The following PLA2G15 variants were observed in gnomAD, a reference collection of about 807,000 sequenced individuals.
PLA2G15 encodes lysosomal phospholipase A and acyltransferase.
In PLA2G15, 20 loss-of-function variants were observed where a neutral mutation model predicts 40.9. That is an observed-to-expected ratio of 0.49 (90% CI 0.34 to 0.71). The LOEUF is 0.71. Ranked by LOEUF, PLA2G15 falls within the 30% of genes least tolerant of loss-of-function variation. PLA2G15 has a pLI of 0.01. For missense variants in PLA2G15, 471 were observed against 541.9 expected (o/e 0.87, Z 1.30); for synonymous variants, 223 against 228.2 (o/e 0.98, Z 0.21).
chr16:68,249,263 C>T, intron 1 of PLA2G15, 27 bp from the exon 2 acceptor site: 2 of 1,610,038 alleles, frequency 1.2e-6, no homozygotes, highest in Middle Eastern at 1.7e-4. Context: ...GGGCTGAGGG[C>T]TCACACATGT....
rs759423187 is a variant in PLA2G15, at chr16:68,249,449, G to A, written c.284+3G>A. 6.2e-7 allele frequency: 1 copy of A among 1,613,876 alleles called. No homozygotes were observed. The highest frequency in any genetic ancestry group is 8.5e-7 in the Non-Finnish European group (1 of 1,179,834). The stretch of plus-strand genomic sequence containing the variant: ...GACTGCTGGATTGACAATATCAGGT[G>A]GGGGCTGGGGCACACAGAGGGGGGT... On this transcript the variant is annotated splice_donor_region_variant and intron_variant, in intron 2 of 5. Coordinates refer to ENST00000219345, the MANE Select transcript of PLA2G15 (RefSeq NM_012320.4).
At chr16:68,253,009 T>C (rs2042367909) in intron 2 of PLA2G15, among the ~76,000 whole-genome samples, 1 of 152,100 alleles carries the variant, frequency 6.6e-6, no homozygotes, top group Admixed American at 6.6e-5. Context: ...AAAGGGCTGT[T>C]AGGGATCTTA....
Position 68,260,379 on chromosome 16 carries a change from G to C in PLA2G15, c.*722G>C, listed in dbSNP as rs1235238709. ...CAGTCCCGCAGGCTGTGTTCCAGGGGCCCTGATTTCCTCGGATGTGCTATT... is the reference window on the plus strand; with the variant it reads ...CAGTCCCGCAGGCTGTGTTCCAGGGCCCCTGATTTCCTCGGATGTGCTATT... On this transcript the variant is annotated 3_prime_UTR_variant, in exon 6 of 6. Coordinates refer to ENST00000219345, the MANE Select transcript of PLA2G15 (RefSeq NM_012320.4). 1 of 152,848 alleles carries C rather than the reference G, an allele frequency of 6.5e-6. No individual in the cohort carries two copies. Among genetic ancestry groups the C allele is most frequent in the Non-Finnish European group, 1.5e-5 (1 of 68,204 alleles). The allele number at this position is 152,848 out of a possible 1,614,324, so 9.5% of individuals were successfully genotyped here. A position where few individuals can be genotyped will look rare whatever the true frequency, so the allele number is the denominator to read the frequency against.
At chr16:68,251,479 A>G (rs1481941640) in intron 2 of PLA2G15, among the ~76,000 whole-genome samples, 1 of 152,016 alleles carries the variant, frequency 6.6e-6, no homozygotes. Flanking sequence ...CAGGAGTTCG[A>G]GACTAGCCCG....
At chr16:68,252,504 A>T (rs2042364225) in intron 2 of PLA2G15, 4 of 455,532 alleles carry the variant, frequency 8.8e-6, no homozygotes, top group South Asian at 4.7e-5. Flanking sequence ...TCATTTCTTC[A>T]GGCCTTGACA....
intron 1 of PLA2G15, among the ~76,000 whole-genome samples, chr16:68,246,314 A>G (rs2042308380): frequency 6.6e-6 from 1 of 152,134 alleles, no homozygotes; most frequent in South Asian, 2.1e-4. Flanking sequence ...ATGGGCAGGG[A>G]TGAGACCTCT....
chr16:68,255,488 C>A lies in PLA2G15; in HGVS notation c.502+108C>A. 1 of 746,984 alleles carries A rather than the reference C, an allele frequency of 1.3e-6. No individual in the cohort carries two copies. Among genetic ancestry groups the A allele is most frequent in the Non-Finnish European group, 2.2e-6 (1 of 457,010 alleles). The allele number at this position is 746,984 out of a possible 1,614,324, so 46.3% of individuals were successfully genotyped here. A position where few individuals can be genotyped will look rare whatever the true frequency, so the allele number is the denominator to read the frequency against. ...CCCCTTGTCCTTGGCTGTCTCCTGT[C>A]CCTGGGCCTCTGGCATCCAGTCTAG... On this transcript the variant is annotated intron_variant, in intron 4 of 5. Transcript: ENST00000219345. The surrounding 1 kb of genome is among the most constrained non-coding windows in gnomAD (Gnocchi z 5.9).
intron 2 of PLA2G15, chr16:68,254,430 T>G (rs1334566192): frequency 6.5e-6 from 1 of 153,552 alleles, no homozygotes; most frequent in Non-Finnish European, 1.4e-5. Context: ...AACCTCCGTG[T>G]CACAGGTTCA....
chr16:68,253,339 C>A, intron 2 of PLA2G15: 1 of 399,732 alleles, frequency 2.5e-6, no homozygotes, highest in Non-Finnish European at 5.0e-6. Flanking sequence ...CATACAGCAG[C>A]CCTGAGGCAT....
chr16:68,255,249 A>G lies in PLA2G15; in HGVS notation c.404-33A>G, dbSNP rs1175990121. On this transcript the variant is annotated intron_variant, in intron 3 of 5. Transcript: ENST00000219345. This position sits in a 1 kb window ranked among gnomAD's most constrained non-coding sequence, Gnocchi z 5.9. ...AGTGTAGGTGGCCGGCACTAGCTGT[A>G]TCTTTTCTTATCCTCTGTATTTCTG... The G allele has an allele frequency of 6.6e-7, 1 of 1,510,074 alleles. No individual in the cohort carries two copies. The highest frequency in any genetic ancestry group is 1.1e-5 in the South Asian group (1 of 88,824). The allele number at this position is 1,510,074 out of a possible 1,614,324, so 93.5% of individuals were successfully genotyped here.
intron 5 of PLA2G15, 133 bp downstream of exon 5, chr16:68,256,123 C>A: frequency 1.7e-6 from 1 of 593,662 alleles, no homozygotes; most frequent in East Asian, 2.9e-5. Context: ...CAAATCTACC[C>A]CTAAAAGTCC....
In PLA2G15 at chr16:68,255,074, A is replaced by G. The variant is rs1555528368; in HGVS notation, c.403+37A>G. 7.2e-7 allele frequency: 1 copy of G among 1,391,876 alleles called. No individual in the cohort carries two copies. 86.2% of individuals were successfully genotyped at this position (1,391,876 alleles called of 1,614,324 possible). ...TTACTCAAGGCCTCCGGGAGCTGGG[A>G]TGGGGTTTCTGCCGGACTGGAGCTG... On this transcript the variant is annotated intron_variant, in intron 3 of 5. Transcript: ENST00000219345. The surrounding 1 kb of genome is among the most constrained non-coding windows in gnomAD (Gnocchi z 5.9).
At chr16:68,253,690 TG>T (rs1412637011) in intron 2 of PLA2G15, among the ~76,000 whole-genome samples, 4 of 133,222 alleles carry the variant, frequency 3.0e-5, no homozygotes, top group Non-Finnish European at 6.4e-5. Context: ...TGTTTTGTTT[TG>T]TTTTTTTTTT....
Position 68,259,643 on chromosome 16 carries a change from C to A in PLA2G15, c.1225C>A (p.Leu409Ile). The A allele has an allele frequency of 6.2e-7, 1 of 1,611,650 alleles. No homozygotes were observed. The highest frequency in any genetic ancestry group is 8.5e-7 in the Non-Finnish European group (1 of 1,178,954). ...ATTLAYLKRVLLGP is the reference protein window; with the variant it reads ...ATTLAYLKRVILGP ...CACCCTGGCCTATCTGAAACGTGTG[C>A]TCCTTGGGCCCTGACTCCTGTGCCA... is the stretch of plus-strand genomic sequence containing the variant. The change falls in exon 6 of 6, where the codon CTC becomes ATC. Residue 409 changes from leucine (L) to isoleucine (I), a missense_variant. Coordinates refer to ENST00000219345, the MANE Select transcript of PLA2G15 (RefSeq NM_012320.4). The surrounding 1 kb of genome is among the most constrained non-coding windows in gnomAD (Gnocchi z 6.5).
chr16:68,253,164 A>G (rs1045208535), intron 2 of PLA2G15, among the ~76,000 whole-genome samples: 4 of 152,094 alleles, frequency 2.6e-5, no homozygotes, highest in Non-Finnish European at 5.9e-5. Context: ...CCCTTCCTCC[A>G]TGGAGGATGT....
Position 68,259,695 on chromosome 16 carries a change from C to T in PLA2G15, c.*38C>T. ...AGGACTCCTGTGGCTCGGCCGTGGA[C>T]CTGCTGTTGGCCTCTGGGGCTGTCA... On this transcript the variant is annotated 3_prime_UTR_variant, in exon 6 of 6. Coordinates refer to ENST00000219345, the MANE Select transcript of PLA2G15 (RefSeq NM_012320.4). The surrounding 1 kb of genome is among the most constrained non-coding windows in gnomAD (Gnocchi z 6.5). 2 of 1,587,260 alleles carry T rather than the reference C, an allele frequency of 1.3e-6. No individual in the cohort carries two copies. The highest frequency in any genetic ancestry group is 1.7e-6 in the Non-Finnish European group (2 of 1,165,884).
chr16:68,259,467 G>A lies in PLA2G15; in HGVS notation c.1049G>A (p.Arg350His), dbSNP rs551320809. 46 of 1,613,528 alleles carry A rather than the reference G, an allele frequency of 2.9e-5. No homozygotes were observed. Among genetic ancestry groups the A allele is most frequent in the Admixed American group, 5.0e-5 (3 of 60,032 alleles). Residue 350 changes from arginine (R) to histidine (H), a missense_variant, in exon 6 of 6, where the codon CGT becomes CAT. Transcript: ENST00000219345. The surrounding 1 kb of genome is among the most constrained non-coding windows in gnomAD (Gnocchi z 6.5). ...TTCTACTATGAGAGCTTCCCTGACC[G>A]TGACCCTAAAATCTGCTTTGGTGAC... ...DSFYYESFPD[R>H]DPKICFGDGD...
chr16:68,256,220 G>T (rs909596194), intron 5 of PLA2G15: 1 of 492,360 alleles, frequency 2.0e-6, no homozygotes, highest in African/African-American at 1.9e-5. Flanking sequence ...TGTGTCTCAG[G>T]TGGGGGCAAG....
rs2042392118 is a variant in PLA2G15, at chr16:68,255,368, C to T, written c.490C>T (p.Arg164Cys). 1.9e-6 allele frequency: 3 copies of T among 1,609,206 alleles called. No individual in the cohort carries two copies. Among genetic ancestry groups the T allele is most frequent in the South Asian group, 2.2e-5 (2 of 90,612 alleles). The change falls in exon 4 of 6, where the codon CGC becomes TGC. Residue 164 changes from arginine to cysteine, a missense_variant. Coordinates refer to ENST00000219345, the MANE Select transcript of PLA2G15 (RefSeq NM_012320.4). This position sits in a 1 kb window ranked among gnomAD's most constrained non-coding sequence, Gnocchi z 5.9. ...TGTCCGAGGGGCTCCCTATGACTGG[C>T]GCCGAGCCCCAAGTAAGCAGGCACT... ...EDVRGAPYDW[R>C]RAPNENGPYF...
Sources: allele counts gnomAD v4.1 joint callset (sites outside exome capture counted in the v4.1 genomes callset), GRCh38; gene constraint gnomAD v4.1.1; non-coding constraint Gnocchi (gnomAD v3.1); transcripts MANE v1.5; gene names NCBI Gene and HGNC (gene_info 2026-07-23, HGNC 2026-07-21).